The following SUSD4 variants were observed in gnomAD, a reference collection of about 807,000 sequenced individuals.
SUSD4 encodes the protein sushi domain-containing protein 4.
A neutral mutation model predicts 50.5 loss-of-function variants in SUSD4; 41 were observed. The ratio of observed to expected loss-of-function variants is 0.81; its 90% CI spans 0.63 to 1.05. The LOEUF is 1.05. Among genes scored for constraint, SUSD4 ranks in the 50% least tolerant of loss-of-function variants. SUSD4 has a pLI of 0.00. For synonymous variants in SUSD4, 257 were observed against 257.3 expected, an observed-to-expected ratio of 1.00 and a Z score of 0.01; for missense variants, 580 against 634.7, an observed-to-expected ratio of 0.91 and a Z score of 0.93.
chr1:223,344,299 A>G (rs1667913598), intron 2 of SUSD4, among the ~76,000 whole-genome samples: 1 of 152,152 alleles, frequency 6.6e-6, no homozygotes, highest in Non-Finnish European at 1.5e-5. Context: ...CTAGGGAGGC[A>G]ACATTGTCGG....
chr1:223,234,435 T>C (rs1445005013), intron 5 of SUSD4, among the ~76,000 whole-genome samples: 1 of 152,234 alleles, frequency 6.6e-6, no homozygotes, highest in Non-Finnish European at 1.5e-5. Context: ...CTAATACTTG[T>C]ACAGATTCAT....
chr1:223,339,861 A>G (rs1393725053), intron 2 of SUSD4, among the ~76,000 whole-genome samples: 3 of 152,158 alleles, frequency 2.0e-5, no homozygotes, highest in Non-Finnish European at 4.4e-5. Flanking sequence ...CCCACCGACC[A>G]CTTTTCCGCT....
intron 5 of SUSD4, among the ~76,000 whole-genome samples, chr1:223,247,831 C>T (rs1353933093): frequency 2.6e-5 from 4 of 152,144 alleles, no homozygotes; most frequent in Non-Finnish European, 2.9e-5. Context: ...GAAGCACCGT[C>T]CCCACAGTTG....
At chr1:223,313,550 T>C (rs1335795922) in intron 2 of SUSD4, among the ~76,000 whole-genome samples, 2 of 152,148 alleles carry the variant, frequency 1.3e-5, no homozygotes, top group African/African-American at 4.8e-5. Context: ...GGGGTAGTAG[T>C]GTCAGAGGCA....
chr1:223,316,344 G>A (rs574179614), intron 2 of SUSD4, among the ~76,000 whole-genome samples: 4 of 152,218 alleles, frequency 2.6e-5, no homozygotes, highest in South Asian at 2.1e-4. Context: ...TGGGGGTGCC[G>A]AAATAATACT....
At chr1:223,352,146 G>A (rs1438260868) in intron 2 of SUSD4, among the ~76,000 whole-genome samples, 1 of 152,166 alleles carries the variant, frequency 6.6e-6, no homozygotes, top group African/African-American at 2.4e-5. Flanking sequence ...AGAGTAACAG[G>A]AGTCTACCCT....
intron 3 of SUSD4, among the ~76,000 whole-genome samples, chr1:223,286,449 T>C: frequency 6.6e-6 from 1 of 152,024 alleles, no homozygotes; most frequent in Non-Finnish European, 1.5e-5. Context: ...CAGGGTTTCG[T>C]CATGTTGACC....
At chr1:223,276,734 A>G (rs1369835162) in intron 3 of SUSD4, among the ~76,000 whole-genome samples, 1 of 152,230 alleles carries the variant, frequency 6.6e-6, no homozygotes, top group Non-Finnish European at 1.5e-5. Flanking sequence ...GGTCCTGGGG[A>G]CAGGTAGAAG....
At chr1:223,353,672 T>C (rs1409130898) in intron 2 of SUSD4, among the ~76,000 whole-genome samples, 1 of 152,128 alleles carries the variant, frequency 6.6e-6, no homozygotes, top group Non-Finnish European at 1.5e-5. Context: ...GCCAAAAAAT[T>C]TGTGCAGGGA....
intron 3 of SUSD4, among the ~76,000 whole-genome samples, chr1:223,270,979 A>T (rs911765626): frequency 6.6e-6 from 1 of 152,232 alleles, no homozygotes; most frequent in African/African-American, 2.4e-5. Context: ...AAGATCATTG[A>T]CAATTCTTTG....
chr1:223,257,531 TC>T (rs1661783786), intron 5 of SUSD4, among the ~76,000 whole-genome samples: 1 of 152,110 alleles, frequency 6.6e-6, no homozygotes, highest in African/African-American at 2.4e-5. Flanking sequence ...TTCCCATTCA[TC>T]TCTACAAGGA....
intron 2 of SUSD4, among the ~76,000 whole-genome samples, chr1:223,356,009 T>C (rs1372795501): frequency 6.6e-6 from 1 of 152,248 alleles, no homozygotes. Flanking sequence ...GAGAGTCATC[T>C]ATAATGGCAC....
At chr1:223,283,992 A>G (rs903550806) in intron 3 of SUSD4, among the ~76,000 whole-genome samples, 4 of 151,866 alleles carry the variant, frequency 2.6e-5, no homozygotes, top group Non-Finnish European at 5.9e-5. Context: ...CAAATAACCA[A>G]ACACCGCATA....
At chr1:223,265,421 A>T (rs1217718678) in intron 4 of SUSD4, among the ~76,000 whole-genome samples, 1 of 152,214 alleles carries the variant, frequency 6.6e-6, no homozygotes, top group African/African-American at 2.4e-5. Context: ...AAACTCGAGA[A>T]TGATCCGGAG....
At position 223,363,408 on chromosome 1, in the gene SUSD4, G is replaced by C. The variant is rs1172527871; in HGVS notation, c.18C>G (p.Asn6Lys). 6.4e-6 allele frequency: 10 copies of C among 1,564,468 alleles called. No individual in the cohort carries two copies. Among genetic ancestry groups the C allele is most frequent in the East Asian group, 2.4e-5 (1 of 42,528 alleles). ...CTAGAAATCCATCTCCATTGCTCGGGTTCATTCCATGATACATCTTTCATC... is the reference window on the plus strand; with the variant it reads ...CTAGAAATCCATCTCCATTGCTCGGCTTCATTCCATGATACATCTTTCATC... The part of the protein sequence containing the change: MYHGM[N>K]PSNGDGFLEQ... The change falls in exon 2 of 9, where the codon AAC becomes AAG. Residue 6 changes from asparagine to lysine, a missense_variant. Asn to Lys is a moderately conservative substitution (Grantham distance 94, BLOSUM62 0). Coordinates refer to ENST00000366878, the MANE Select transcript of SUSD4 (RefSeq NM_017982.4).
chr1:223,278,523 G>A (rs920777777), intron 3 of SUSD4, among the ~76,000 whole-genome samples: 1 of 152,218 alleles, frequency 6.6e-6, no homozygotes, highest in African/African-American at 2.4e-5. Flanking sequence ...GGGGAGGGGT[G>A]CCCACCATTG....
At chr1:223,299,002 G>A (rs2138972) in intron 2 of SUSD4, among the ~76,000 whole-genome samples, 1 of 152,218 alleles carries the variant, frequency 6.6e-6, no homozygotes, top group Admixed American at 6.5e-5. Context: ...AGAGCCATCA[G>A]AAGATGAGAT....
chr1:223,344,823 G>C (rs1453024192), intron 2 of SUSD4, among the ~76,000 whole-genome samples: 1 of 152,058 alleles, frequency 6.6e-6, no homozygotes, highest in Non-Finnish European at 1.5e-5. Context: ...TGCTTCCTTG[G>C]GCCCATCTGG....
chr1:223,278,344 G>T (rs765116785), intron 3 of SUSD4, among the ~76,000 whole-genome samples: 9 of 152,148 alleles, frequency 5.9e-5, no homozygotes, highest in Non-Finnish European at 1.0e-4. Context: ...ATGGCACCTG[G>T]AAAATTGGGT....
Sources: gnomAD v4.1 joint callset for allele counts (sites outside exome capture counted in the v4.1 genomes callset) on GRCh38, gnomAD v4.1.1 for gene constraint, MANE v1.5 for transcripts, NCBI Gene and HGNC (gene_info 2026-07-23, HGNC 2026-07-21) for gene names.